SEPTIN9: variants seen among roughly 807,000 people sequenced by gnomAD.
The protein encoded by SEPTIN9 is septin-9.
Under a neutral mutation model 56.6 loss-of-function variants are expected in SEPTIN9, and 13 were observed. The observed-to-expected ratio is 0.23, with a 90% confidence interval of 0.15 to 0.37. The LOEUF (loss-of-function observed/expected upper bound fraction) is 0.37. Ranked by LOEUF, SEPTIN9 falls within the 10% of genes least tolerant of loss-of-function variation. The pLI is 1.00. For synonymous variants in SEPTIN9, 332 were observed against 334.1 expected, an observed-to-expected ratio of 0.99 and a Z score of 0.07; for missense variants, 650 against 823.1, an observed-to-expected ratio of 0.79 and a Z score of 2.57.
At chr17:77,472,884 A>G (rs2143067493) in intron 3 of SEPTIN9, 1 of 152,278 alleles carries the variant, frequency 6.6e-6, no homozygotes, top group South Asian at 2.1e-4. Flanking sequence ...TTGATCCCCC[A>G]CCCACACACA....
intron 2 of SEPTIN9, among the ~76,000 whole-genome samples, chr17:77,394,266 C>T (rs1377231930): frequency 1.3e-5 from 2 of 152,298 alleles, no homozygotes; most frequent in East Asian, 1.9e-4. Context: ...GTGCCCATGG[C>T]GTACATGCTG....
chr17:77,416,061 A>C (rs747481), intron 3 of SEPTIN9, among the ~76,000 whole-genome samples: 1 of 152,140 alleles, frequency 6.6e-6, no homozygotes, highest in Non-Finnish European at 1.5e-5. Flanking sequence ...ATTTTAAATT[A>C]AGACAGGCCC....
chr17:77,288,782 G>A (rs2031394038), intron 1 of SEPTIN9, among the ~76,000 whole-genome samples: 3 of 152,236 alleles, frequency 2.0e-5, no homozygotes, highest in African/African-American at 7.2e-5. Flanking sequence ...TGTAGCCACA[G>A]GGTCTACAGA....
chr17:77,393,107 C>T (rs1439038166), intron 2 of SEPTIN9, among the ~76,000 whole-genome samples: 7 of 151,824 alleles, frequency 4.6e-5, no homozygotes, highest in Non-Finnish European at 8.8e-5. Context: ...ACAGGGATTT[C>T]AGTGGGAGGG....
At chr17:77,347,658 CT>C in intron 2 of SEPTIN9, among the ~76,000 whole-genome samples, 1 of 151,754 alleles carries the variant, frequency 6.6e-6, no homozygotes. Context: ...GCTGGAGAGG[CT>C]TATGGAGAAA....
Position 77,484,752 on chromosome 17 carries a change from T to C in SEPTIN9, c.913+2417T>C, listed in dbSNP as rs1218819702. Among the ~76,000 whole-genome samples, 46 of 105,882 alleles carry C rather than the reference T, an allele frequency of 4.3e-4. 4 individuals carry two copies. The highest frequency in any genetic ancestry group is 8.9e-4 in the African/African-American group (19 of 21,264). 69.5% of individuals were successfully genotyped at this position (105,882 alleles called of 152,430 possible). A position where few individuals can be genotyped will look rare whatever the true frequency, so the allele number is the denominator to read the frequency against. ...ATTGTGATGGTGGTGGTGGTGGTTG[T>C]GATGGTGGTGATGTGGGTGGTGGTG... On this transcript the variant is annotated intron_variant, in intron 4 of 11. Transcript: ENST00000427177.
chr17:77,294,330 G>A (rs566899728), intron 1 of SEPTIN9, among the ~76,000 whole-genome samples: 1 of 152,272 alleles, frequency 6.6e-6, no homozygotes. Flanking sequence ...TGAGGCAGGA[G>A]AATGGCTTGA....
rs1329430391 is a variant in SEPTIN9, at chr17:77,499,351, G to T, written c.*693G>T. ...GGGGACAGGCTGGAATGAGGGAGGCGTCTTCATCTCCCTGCCATCCCCCTC... is the reference window on the plus strand; with the variant it reads ...GGGGACAGGCTGGAATGAGGGAGGCTTCTTCATCTCCCTGCCATCCCCCTC... On this transcript the variant is annotated 3_prime_UTR_variant, in exon 12 of 12. Coordinates refer to ENST00000427177, the MANE Select transcript of SEPTIN9 (RefSeq NM_001113491.2). 1 of 588,816 alleles carries T rather than the reference G, an allele frequency of 1.7e-6. No homozygotes were observed. Among genetic ancestry groups the T allele is most frequent in the East Asian group, 3.4e-5 (1 of 29,070 alleles). 36.5% of individuals were successfully genotyped at this position (588,816 alleles called of 1,614,324 possible). A position where few individuals can be genotyped will look rare whatever the true frequency, so the allele number is the denominator to read the frequency against.
chr17:77,385,086 C>G (rs9915085), intron 2 of SEPTIN9, among the ~76,000 whole-genome samples: 4 of 151,622 alleles, frequency 2.6e-5, no homozygotes, highest in Non-Finnish European at 1.5e-5. Flanking sequence ...AATCCCAACA[C>G]TCTGGGAGGC....
At chr17:77,467,118 A>T (rs2038772801) in intron 3 of SEPTIN9, among the ~76,000 whole-genome samples, 1 of 152,170 alleles carries the variant, frequency 6.6e-6, no homozygotes, top group African/African-American at 2.4e-5. Flanking sequence ...TTCATGCAGG[A>T]CGGCAGATGG....
At chr17:77,351,228 A>AACACACACACAC (rs10537405) in intron 2 of SEPTIN9, among the ~76,000 whole-genome samples, 4 of 144,652 alleles carry the variant, frequency 2.8e-5, no homozygotes, top group African/African-American at 2.5e-5. Flanking sequence ...GCGTGCACAC[A>AACACACACACAC]ACACACACAC....
Position 77,492,191 on chromosome 17 carries a change from T to C in SEPTIN9, c.1381-430T>C, listed in dbSNP as rs937226378. Reference sequence around the variant, plus strand: ...GCGAGCAGCCGCTCACTGGGATGTTTCTGTTGCACGTACCCATGTCGGGCT... The same window carrying C: ...GCGAGCAGCCGCTCACTGGGATGTTCCTGTTGCACGTACCCATGTCGGGCT... On this transcript the variant is annotated intron_variant, in intron 8 of 11. Transcript: ENST00000427177. This position sits in a 1 kb window ranked among gnomAD's most constrained non-coding sequence, Gnocchi z 5.4. Among the ~76,000 whole-genome samples, 3 of 152,144 alleles carry C rather than the reference T, an allele frequency of 2.0e-5. No individual in the cohort carries two copies. Among genetic ancestry groups the C allele is most frequent in the African/African-American group, 7.2e-5 (3 of 41,436 alleles).
chr17:77,443,230 A>G (rs2037615037), intron 3 of SEPTIN9, among the ~76,000 whole-genome samples: 1 of 152,112 alleles, frequency 6.6e-6, no homozygotes, highest in South Asian at 2.1e-4. Context: ...TGTATCAGCC[A>G]TGAGTTTGCA....
At chr17:77,320,403 CT>C in intron 2 of SEPTIN9, 1 of 1,474,992 alleles carries the variant, frequency 6.8e-7, no homozygotes, top group Non-Finnish European at 9.5e-7. Context: ...GGACTCGGGG[CT>C]TTATTTATGC....
Position 77,369,102 on chromosome 17 carries a change from C to T in SEPTIN9, c.77-32957C>T, listed in dbSNP as rs1029935588. 2.6e-5 allele frequency among the ~76,000 whole-genome samples: 4 copies of T among 152,088 alleles called. No homozygotes were observed. The highest frequency in any genetic ancestry group is 5.9e-5 in the Non-Finnish European group (4 of 68,008). On this transcript the variant is annotated intron_variant, in intron 2 of 11. Transcript: ENST00000427177. The surrounding 1 kb of genome is among the most constrained non-coding windows in gnomAD (Gnocchi z 4.9). ...TACAAAAATTAGCCAGGAGTGGTGGCGGGTGCCTGTAATCCGAGCTACTTG... is the reference window on the plus strand; with the variant it reads ...TACAAAAATTAGCCAGGAGTGGTGGTGGGTGCCTGTAATCCGAGCTACTTG...
chr17:77,379,047 C>T (rs2035043748), intron 2 of SEPTIN9, among the ~76,000 whole-genome samples: 1 of 152,068 alleles, frequency 6.6e-6, no homozygotes, highest in Non-Finnish European at 1.5e-5. Context: ...GTGCCTGCTG[C>T]CCTGAACATT....
rs11077899 is a variant in SEPTIN9, at chr17:77,310,739, G to T, written c.76+3542G>T. On this transcript the variant is annotated intron_variant, in intron 2 of 11. Transcript: ENST00000427177. The surrounding 1 kb of genome is among the most constrained non-coding windows in gnomAD (Gnocchi z 4.7). ...CCGCCTCTCTGACTGAGCGTCCAGC[G>T]GACTTTTGCCCTGTTTCCCACGGTG... Among the ~76,000 whole-genome samples, 125,849 of 152,020 alleles carry T rather than the reference G, an allele frequency of 0.83. 52,371 individuals carry two copies. Among genetic ancestry groups the T allele is most frequent in the South Asian group, 0.92 (4,396 of 4,802 alleles).
chr17:77,381,017 C>T (rs2035123804), intron 2 of SEPTIN9, among the ~76,000 whole-genome samples: 1 of 152,186 alleles, frequency 6.6e-6, no homozygotes, highest in African/African-American at 2.4e-5. Context: ...TGCCTGGTTT[C>T]GCAGCCTCCA....
intron 10 of SEPTIN9, among the ~76,000 whole-genome samples, chr17:77,494,666 C>T (rs73377552): frequency 0.066 from 10,034 of 152,264 alleles, 451 homozygotes; most frequent in South Asian, 0.22. Context: ...GTTTCATGTC[C>T]GAAGCTCCCC....
Sources: allele counts gnomAD v4.1 joint callset (sites outside exome capture counted in the v4.1 genomes callset), GRCh38; gene constraint gnomAD v4.1.1; non-coding constraint Gnocchi (gnomAD v3.1); transcripts MANE v1.5; gene names NCBI Gene and HGNC (gene_info 2026-07-23, HGNC 2026-07-21).